The following HPS3 variants were observed in gnomAD, a reference collection of about 807,000 sequenced individuals.
HPS3 encodes HPS3 biogenesis of lysosomal organelles complex 2 subunit 1, also known as BLOC-2 complex member HPS3.
In HPS3, 79 loss-of-function variants were observed where a neutral mutation model predicts 110.9. The ratio of observed to expected loss-of-function variants is 0.71; its 90% CI spans 0.59 to 0.86. The LOEUF is 0.86. HPS3 is among the 40% of genes least tolerant of loss of function. The pLI is 0.00. For missense variants in HPS3, 1,197 were observed against 1,206.2 expected (o/e 0.99, Z 0.11); for synonymous variants, 428 against 451.0 (o/e 0.95, Z 0.65).
chr3:149,160,171 G>A lies in HPS3; in HGVS notation c.1998G>A (p.Leu666=), dbSNP rs778330861. The A allele has an allele frequency of 3.1e-6, 5 of 1,613,700 alleles. No homozygotes were observed. The South Asian group carries it at 5.5e-5, about 18-fold the overall frequency. Residue 666 remains leucine, a synonymous_variant, in exon 11 of 17, where the codon CTG becomes CTA. Coordinates refer to ENST00000296051, the MANE Select transcript of HPS3 (RefSeq NM_032383.5). ...CTGCCATGAGCTATCTAAGGAAGCT[G>A]GATACTTCTGGGTTTTCATCGATCT... ...PLTAMSYLRK[L]DTSGFSSILV...
At chr3:149,165,954 C>T (rs763205563) in intron 14 of HPS3, 6 of 452,968 alleles carry the variant, frequency 1.3e-5, no homozygotes, top group African/African-American at 1.0e-4. Context: ...ACCTTATTCT[C>T]CTGGTCATTC....
intron 6 of HPS3, among the ~76,000 whole-genome samples, chr3:149,151,608 A>AAAAAAC: frequency 6.8e-6 from 1 of 147,236 alleles, no homozygotes; most frequent in African/African-American, 2.5e-5. Context: ...AAAAAAAAAA[A>AAAAAAC]AAAAAAAAGC....
chr3:149,155,017 A>G (rs1576683254), intron 7 of HPS3, 90 bp from the exon 8 acceptor site: 10 of 764,414 alleles, frequency 1.3e-5, no homozygotes, highest in South Asian at 1.3e-4. Flanking sequence ...AAATGATTTT[A>G]TAGTTATTTT....
intron 14 of HPS3, among the ~76,000 whole-genome samples, chr3:149,165,765 C>T (rs1178632345): frequency 6.6e-6 from 1 of 152,162 alleles, no homozygotes; most frequent in African/African-American, 2.4e-5. Flanking sequence ...CTACTGCCCC[C>T]ACTCCCTTCC....
In HPS3 at chr3:149,141,531, G is replaced by T. The variant is rs200719184; in HGVS notation, c.970+151G>T. The T allele has an allele frequency of 0.027, 10,351 of 377,370 alleles. 16 individuals are homozygous for T. The highest frequency in any genetic ancestry group is 0.049 in the East Asian group (878 of 17,768). The allele number at this position is 377,370 out of a possible 1,614,324, so 23.4% of individuals were successfully genotyped here. A position where few individuals can be genotyped will look rare whatever the true frequency, so the allele number is the denominator to read the frequency against. On this transcript the variant is annotated intron_variant, in intron 4 of 16. Transcript: ENST00000296051. ...GCCCTTTAACAAAGTTTTTTTTTTT[G>T]TTTTTTTTTTTTTTTTTTTTTGAGA...
chr3:149,140,908 A>G, intron 2 of HPS3, 109 bp from the exon 3 acceptor site: 1 of 1,006,922 alleles, frequency 9.9e-7, no homozygotes, highest in South Asian at 1.4e-5. Context: ...TGCCTTGTAA[A>G]TGTGTGCATA....
chr3:149,150,479 T>G, intron 5 of HPS3, 120 bp from the exon 6 acceptor site: 1 of 748,606 alleles, frequency 1.3e-6, no homozygotes, highest in Non-Finnish European at 2.4e-6. Context: ...TTGGCAATAT[T>G]TGACAAATAC....
At chr3:149,142,738 A>C (rs1355957922) in intron 4 of HPS3, among the ~76,000 whole-genome samples, 1 of 152,212 alleles carries the variant, frequency 6.6e-6, no homozygotes, top group Non-Finnish European at 1.5e-5. Context: ...CAGTGAGTGA[A>C]GTGCTTGCTC....
chr3:149,156,710 G>A (rs1723478596), intron 8 of HPS3, among the ~76,000 whole-genome samples: 1 of 151,756 alleles, frequency 6.6e-6, no homozygotes, highest in African/African-American at 2.4e-5. Flanking sequence ...TTAATTTTTG[G>A]TCATCAGGTC....
intron 1 of HPS3, among the ~76,000 whole-genome samples, chr3:149,134,220 T>C (rs1317415958): frequency 3.3e-5 from 5 of 152,296 alleles, no homozygotes; most frequent in Non-Finnish European, 7.4e-5. Context: ...AATATTCCAA[T>C]TTTGGTATTA....
chr3:149,169,841 T>A (rs1019390058), intron 16 of HPS3, among the ~76,000 whole-genome samples: 6 of 152,188 alleles, frequency 3.9e-5, no homozygotes, highest in African/African-American at 1.4e-4. Flanking sequence ...AATTTAAAAA[T>A]CATTTAAAAT....
At chr3:149,169,442 G>T (rs1245965712) in intron 16 of HPS3, among the ~76,000 whole-genome samples, 1 of 152,230 alleles carries the variant, frequency 6.6e-6, no homozygotes, top group African/African-American at 2.4e-5. Context: ...TTGCAAGAGG[G>T]AGAGGTTGGA....
rs755880020 is a variant in HPS3 at position 149,162,828 on chromosome 3, T to G, written c.2431T>G (p.Ser811Ala). The G allele has an allele frequency of 6.2e-7, 1 of 1,614,046 alleles. No homozygotes were observed. ...CACATCACAGTACATCTGGAGATTG[T>G]CTAAGAGGCAGCCTCCTGACACCAC... ...KLTSQYIWRLSKRQPPDTTPL... is the reference protein window; with the variant it reads ...KLTSQYIWRLAKRQPPDTTPL... Residue 811 changes from serine (S) to alanine (A), a missense_variant, in exon 13 of 17, where the codon TCT becomes GCT. Physicochemically the swap from Ser to Ala is moderately conservative, Grantham distance 99. Transcript: ENST00000296051.
intron 5 of HPS3, among the ~76,000 whole-genome samples, chr3:149,147,484 A>T (rs1377834469): frequency 6.6e-6 from 1 of 152,218 alleles, no homozygotes; most frequent in African/African-American, 2.4e-5. Context: ...ACCATCTCAG[A>T]AACAATGGAA....
intron 4 of HPS3, among the ~76,000 whole-genome samples, chr3:149,144,347 C>A (rs1392440521): frequency 1.3e-5 from 2 of 152,282 alleles, no homozygotes; most frequent in East Asian, 3.9e-4. Flanking sequence ...CGTGCCACTG[C>A]ACTCCAGCCT....
At position 149,135,026 on chromosome 3, in the gene HPS3, C is replaced by T. The variant is rs190510773; in HGVS notation, c.218-4978C>T. On this transcript the variant is annotated intron_variant, in intron 1 of 16. Coordinates refer to ENST00000296051, the MANE Select transcript of HPS3 (RefSeq NM_032383.5). ...CACAATAACTGGGACATGAGGATTC[C>T]GGCTCAATGCCCAGTGTCCTCCTCT... Among the ~76,000 whole-genome samples, 22 of 152,210 alleles carry T rather than the reference C, an allele frequency of 1.4e-4. No individual in the cohort carries two copies. In the East Asian group the frequency reaches 2.7e-3, roughly 19 times the overall value.
At chr3:149,147,575 G>A (rs1376337367) in intron 5 of HPS3, among the ~76,000 whole-genome samples, 1 of 152,094 alleles carries the variant, frequency 6.6e-6, no homozygotes, top group African/African-American at 2.4e-5. Flanking sequence ...CCATCTGATT[G>A]CATATACTTG....
chr3:149,162,774 G>A lies in HPS3; in HGVS notation c.2377G>A (p.Val793Met), dbSNP rs1462927883. ...EAQLVACLPD[V>M]VLQELFFKLT... ...TCAGCTAGTGGCATGTCTCCCAGAT[G>A]TGGTACTTCAGGAACTCTTTTTCAA... is the stretch of plus-strand genomic sequence containing the variant. The change falls in exon 13 of 17, where the codon GTG becomes ATG. Residue 793 changes from valine (V) to methionine (M), a missense_variant. Transcript: ENST00000296051. The A allele has an allele frequency of 1.2e-6, 2 of 1,614,004 alleles. No individual in the cohort carries two copies. Among genetic ancestry groups the A allele is most frequent in the East Asian group, 2.2e-5 (1 of 44,878 alleles).
Position 149,162,322 on chromosome 3 carries a change from T to C in HPS3, c.2281T>C (p.Ser761Pro). ...CAAAATTGGAATTGAAGAAGCAGAT[T>C]CCTTTTTTAAGGTTTGTCACTTTGA... Reference protein sequence around the residue: ...NNKIGIEEADSFFKVLCAKDE... With the variant: ...NNKIGIEEADPFFKVLCAKDE... Residue 761 changes from serine to proline, a missense_variant, in exon 12 of 17, where the codon TCC (serine) becomes CCC (proline). By Grantham distance (74) the Ser-to-Pro change is moderately conservative (BLOSUM62 -1). Coordinates refer to ENST00000296051, the MANE Select transcript of HPS3 (RefSeq NM_032383.5). 3 of 1,613,952 alleles carry C rather than the reference T, an allele frequency of 1.9e-6. No individual in the cohort carries two copies. Among genetic ancestry groups the C allele is most frequent in the Non-Finnish European group, 1.7e-6 (2 of 1,179,880 alleles).
Sources: gnomAD v4.1 joint callset for allele counts (sites outside exome capture counted in the v4.1 genomes callset) on GRCh38, gnomAD v4.1.1 for gene constraint, MANE v1.5 for transcripts, NCBI Gene and HGNC (gene_info 2026-07-23, HGNC 2026-07-21) for gene names.